The following ALG12 variants were observed in gnomAD, a reference collection of about 807,000 sequenced individuals.
ALG12 encodes the protein dol-P-Man:Man(7)GlcNAc(2)-PP-Dol alpha-1,6-mannosyltransferase.
A neutral mutation model predicts 46.0 loss-of-function variants in ALG12; 36 were observed. That is an observed-to-expected ratio of 0.78 (90% CI 0.60 to 1.03). ALG12 has a LOEUF of 1.03. ALG12 is among the 50% of genes least tolerant of loss of function. ALG12 has a pLI of 0.00. For missense variants in ALG12, 599 were observed against 633.5 expected (o/e 0.95, Z 0.58); for synonymous variants, 326 against 291.6 (o/e 1.12, Z -1.20).
At chr22:49,887,350 G>A in the ALG12 span, 6 of 587,868 alleles carry the variant, frequency 1.0e-5, no homozygotes, top group Non-Finnish European at 1.7e-5. Flanking sequence ...TTCTCCTTCA[G>A]GCCAAGTTTC....
chr22:49,908,046 A>G (rs2060553765), intron 6 of ALG12, 102 bp from the exon 7 acceptor site: 7 of 1,204,372 alleles, frequency 5.8e-6, no homozygotes, highest in Admixed American at 4.0e-5. Context: ...AGTTGTGCTG[A>G]GAGATGCAGC....
chr22:49,860,482 C>T, the ALG12 span, among the ~76,000 whole-genome samples: 1 of 152,186 alleles, frequency 6.6e-6, no homozygotes, highest in African/African-American at 2.4e-5. Context: ...GCTTAGTTAA[C>T]TTTGCAGGTT....
chr22:49,863,156 T>C, the ALG12 span, among the ~76,000 whole-genome samples: 1 of 152,160 alleles, frequency 6.6e-6, no homozygotes, highest in South Asian at 2.1e-4. Context: ...CTCTATCCTT[T>C]GGTTTCTTGT....
intron 3 of ALG12, among the ~76,000 whole-genome samples, chr22:49,912,752 A>G (rs1487871963): frequency 1.3e-5 from 2 of 152,222 alleles, no homozygotes; most frequent in African/African-American, 4.8e-5. Context: ...CTGTAATCCC[A>G]GCACTGTGGG....
intron 6 of ALG12, 31 bp downstream of exon 6, chr22:49,909,213 A>G (rs751218221): frequency 1.2e-6 from 2 of 1,604,020 alleles, no homozygotes; most frequent in East Asian, 2.2e-5. Flanking sequence ...GGTCCCACCC[A>G]TCGCCCTCCT....
intron 5 of ALG12, 96 bp from the exon 6 acceptor site, chr22:49,909,443 G>T: frequency 2.4e-6 from 3 of 1,266,338 alleles, no homozygotes; most frequent in Non-Finnish European, 3.4e-6. Context: ...ACTACAAGCT[G>T]CTTTCATATA....
chr22:49,898,831 C>T (rs2060493473), downstream of ALG12, among the ~76,000 whole-genome samples: 1 of 152,160 alleles, frequency 6.6e-6, no homozygotes, highest in Non-Finnish European at 1.5e-5. Flanking sequence ...CAGCTCACTG[C>T]AGCCTCAACC....
At chr22:49,904,558 T>G (rs1449786691) in intron 7 of ALG12, 52 bp from the exon 8 acceptor site, 2 of 1,597,640 alleles carry the variant, frequency 1.3e-6, no homozygotes, top group Non-Finnish European at 1.7e-6. Flanking sequence ...ACAATAAAAT[T>G]AATCTACCTA....
At chr22:49,876,830 A>G in the ALG12 span, among the ~76,000 whole-genome samples, 1 of 152,192 alleles carries the variant, frequency 6.6e-6, no homozygotes, top group Non-Finnish European at 1.5e-5. Context: ...TCCATTTACA[A>G]AATATAGGAA....
the ALG12 span, among the ~76,000 whole-genome samples, chr22:49,891,235 T>C: frequency 2.6e-5 from 4 of 152,220 alleles, no homozygotes; most frequent in African/African-American, 7.2e-5. Flanking sequence ...TCTCCTGTTA[T>C]AATTCAAGGA....
the ALG12 span, among the ~76,000 whole-genome samples, chr22:49,863,915 G>A: frequency 6.6e-6 from 1 of 152,200 alleles, no homozygotes. Flanking sequence ...TGGACAGTGA[G>A]AGCCCCTACA....
the ALG12 span, among the ~76,000 whole-genome samples, chr22:49,876,890 C>T: frequency 6.6e-6 from 1 of 152,192 alleles, no homozygotes; most frequent in African/African-American, 2.4e-5. Context: ...CGTTCCCACA[C>T]GTGGTGTTAA....
chr22:49,863,285 T>C, the ALG12 span, among the ~76,000 whole-genome samples: 1 of 152,130 alleles, frequency 6.6e-6, no homozygotes, highest in Non-Finnish European at 1.5e-5. Context: ...TCAGCCTCCC[T>C]AATAACTGGG....
the ALG12 span, chr22:49,888,760 G>C: frequency 7.2e-5 from 12 of 167,244 alleles, no homozygotes; most frequent in African/African-American, 2.9e-4. Flanking sequence ...GCTTGTTCCC[G>C]TGAGAACAGC....
Position 49,910,454 on chromosome 22 carries a change from T to A in ALG12, c.449A>T (p.Asn150Ile). 6 of 1,613,568 alleles carry A rather than the reference T, an allele frequency of 3.7e-6. No individual in the cohort carries two copies. Among genetic ancestry groups the A allele is most frequent in the Non-Finnish European group, 5.1e-6 (6 of 1,179,984 alleles). ...LMFYCTRTLP[N>I]VLALPVVLLA... ...CGTACCTACAGGCAGGGCCAGCACA[T>A]TGGGCAGTGTCCGCGTGCAGTAGAA... Residue 150 changes from asparagine to isoleucine, a missense_variant, in exon 4 of 10, where the codon AAT (asparagine) becomes ATT (isoleucine). Physicochemically the swap from Asn to Ile is moderately radical, Grantham distance 149. Transcript: ENST00000330817.
At chr22:49,877,893 G>A in the ALG12 span, among the ~76,000 whole-genome samples, 4 of 152,128 alleles carry the variant, frequency 2.6e-5, no homozygotes, top group South Asian at 2.1e-4. Flanking sequence ...TCCGTGTTGC[G>A]TGTATCCATT....
the ALG12 span, among the ~76,000 whole-genome samples, chr22:49,881,730 G>GT: frequency 2.0e-5 from 3 of 151,984 alleles, no homozygotes; most frequent in Admixed American, 6.6e-5. Context: ...ACAGGGTCTT[G>GT]TTTTTTTGCC....
rs187026694 is a variant in ALG12 at position 49,906,129 on chromosome 22, G to C, written c.992+1592C>G. ...AGTTTGTCCTCCTCCGGATAAGGCC[G>C]ACTGGCACAGCAGGGGCCCTTGCAT... On this transcript the variant is annotated intron_variant, in intron 7 of 9. Coordinates refer to ENST00000330817, the MANE Select transcript of ALG12 (RefSeq NM_024105.4). This position sits in a 1 kb window ranked among gnomAD's most constrained non-coding sequence, Gnocchi z 4.4. Among the ~76,000 whole-genome samples the C allele has an allele frequency of 1.3e-5, 2 of 152,138 alleles. No homozygotes were observed. Among genetic ancestry groups the C allele is most frequent in the African/African-American group, 2.4e-5 (1 of 41,426 alleles).
intron 6 of ALG12, 29 bp from the exon 7 acceptor site, chr22:49,907,973 C>A (rs1012059398): frequency 2.5e-6 from 4 of 1,604,706 alleles, no homozygotes; most frequent in African/African-American, 1.3e-5. Flanking sequence ...AGGCCACGCA[C>A]CTGTCCACGC....
Sources: gnomAD v4.1 joint callset for allele counts (sites outside exome capture counted in the v4.1 genomes callset) on GRCh38, gnomAD v4.1.1 for gene constraint, Gnocchi (gnomAD v3.1) non-coding constraint, MANE v1.5 for transcripts, NCBI Gene and HGNC (gene_info 2026-07-23, HGNC 2026-07-21) for gene names.